CD86: variants seen among roughly 807,000 people sequenced by gnomAD.
CD86 encodes T-lymphocyte activation antigen CD86.
A neutral mutation model predicts 32.1 loss-of-function variants in CD86; 11 were observed. That is an observed-to-expected ratio of 0.34 (90% CI 0.22 to 0.57). CD86 has a LOEUF of 0.57. Ranked by LOEUF, CD86 falls within the 20% of genes least tolerant of loss-of-function variation. CD86 has a pLI of 0.86. For synonymous variants in CD86, 137 were observed against 135.3 expected, an observed-to-expected ratio of 1.01 and a Z score of -0.09; for missense variants, 359 against 398.4, an observed-to-expected ratio of 0.90 and a Z score of 0.84.
At chr3:122,091,791 T>C in intron 2 of CD86, 141 bp downstream of exon 2, 3 of 688,466 alleles carry the variant, frequency 4.4e-6, no homozygotes, top group Non-Finnish European at 7.7e-6. Flanking sequence ...CAAAAAAGAC[T>C]TTCCTGGAGA....
At chr3:122,101,003 C>A (rs2072990880) in intron 2 of CD86, among the ~76,000 whole-genome samples, 1 of 152,108 alleles carries the variant, frequency 6.6e-6, no homozygotes, top group African/African-American at 2.4e-5. Context: ...ATCCCCCATG[C>A]CTGGCTCTGT....
intron 1 of CD86, among the ~76,000 whole-genome samples, chr3:122,084,602 C>G (rs1241264191): frequency 6.6e-6 from 1 of 152,072 alleles, no homozygotes; most frequent in Non-Finnish European, 1.5e-5. Flanking sequence ...AGGTGGAAGG[C>G]TCAGCTGGGA....
chr3:122,058,444 C>A (rs993452165), intron 1 of CD86, among the ~76,000 whole-genome samples: 1 of 152,134 alleles, frequency 6.6e-6, no homozygotes, highest in Admixed American at 6.5e-5. Context: ...GAGCAAAGAG[C>A]TAGTGCAAGA....
intron 2 of CD86, among the ~76,000 whole-genome samples, chr3:122,096,205 A>G (rs1051103161): frequency 1.3e-5 from 2 of 152,162 alleles, no homozygotes; most frequent in African/African-American, 4.8e-5. Context: ...AGCTGGCACT[A>G]TAAGTACATG....
intron 2 of CD86, among the ~76,000 whole-genome samples, chr3:122,093,462 C>T (rs1576775229): frequency 6.6e-6 from 1 of 152,300 alleles, no homozygotes; most frequent in East Asian, 1.9e-4. Context: ...AACTAGATAG[C>T]ATAGCCTGCT....
intron 2 of CD86, among the ~76,000 whole-genome samples, chr3:122,101,931 G>A (rs778869390): frequency 1.3e-5 from 2 of 152,000 alleles, no homozygotes; most frequent in Non-Finnish European, 2.9e-5. Context: ...TCCTCTACAG[G>A]TGGTGCATTT....
intron 1 of CD86, among the ~76,000 whole-genome samples, chr3:122,067,233 C>G (rs2072427542): frequency 6.6e-6 from 1 of 152,166 alleles, no homozygotes. Context: ...TGAACACTAA[C>G]TCATGAGGAG....
intron 5 of CD86, among the ~76,000 whole-genome samples, chr3:122,113,449 G>C (rs367762603): frequency 6.6e-6 from 1 of 152,136 alleles, no homozygotes; most frequent in Non-Finnish European, 1.5e-5. Context: ...CATAGTGTTT[G>C]TACTAGTTTA....
chr3:122,105,493 A>T (rs2073076751), intron 3 of CD86, among the ~76,000 whole-genome samples: 1 of 152,188 alleles, frequency 6.6e-6, no homozygotes. Context: ...AAGGCACATG[A>T]CACAGGTCTA....
At chr3:122,079,227 C>A (rs79509937) in intron 1 of CD86, among the ~76,000 whole-genome samples, 1 of 152,160 alleles carries the variant, frequency 6.6e-6, no homozygotes, top group Non-Finnish European at 1.5e-5. Context: ...CAAGCCTTTG[C>A]ATTTGATATT....
chr3:122,095,406 C>G (rs915758445), intron 2 of CD86, among the ~76,000 whole-genome samples: 2 of 152,124 alleles, frequency 1.3e-5, no homozygotes, highest in Admixed American at 6.5e-5. Context: ...GTCTCGAACT[C>G]CTGACCTCAG....
At chr3:122,109,538 T>C in intron 5 of CD86, 130 bp downstream of exon 5, 1 of 1,066,514 alleles carries the variant, frequency 9.4e-7, no homozygotes, top group Admixed American at 2.1e-5. Flanking sequence ...GAAAAAAGGT[T>C]TTCCCTTGGA....
intron 4 of CD86, among the ~76,000 whole-genome samples, chr3:122,106,932 T>G (rs563850777): frequency 2.6e-4 from 39 of 151,950 alleles, no homozygotes; most frequent in Middle Eastern, 3.4e-3. Context: ...TTTGGGACAT[T>G]ATTGGTCACA....
chr3:122,113,142 G>T (rs1214634721), intron 5 of CD86, among the ~76,000 whole-genome samples: 1 of 152,164 alleles, frequency 6.6e-6, no homozygotes, highest in Admixed American at 6.5e-5. Context: ...TTAGAATAAT[G>T]GTCTCTGGTT....
At chr3:122,118,454 A>G (rs2073290931) in intron 6 of CD86, among the ~76,000 whole-genome samples, 1 of 152,208 alleles carries the variant, frequency 6.6e-6, no homozygotes, top group African/African-American at 2.4e-5. Context: ...TAAATGAAGA[A>G]GTGGGGAATG....
chr3:122,101,374 G>A (rs767199056), intron 2 of CD86, among the ~76,000 whole-genome samples: 6 of 151,678 alleles, frequency 4.0e-5, no homozygotes, highest in Admixed American at 1.3e-4. Context: ...GGGAGCACTC[G>A]ATGAGTGGAA....
At chr3:122,061,154 G>T (rs557219566) in intron 1 of CD86, among the ~76,000 whole-genome samples, 1 of 152,080 alleles carries the variant, frequency 6.6e-6, no homozygotes, top group Admixed American at 6.6e-5. Context: ...GTCAATACAC[G>T]CCAGAAAATG....
At chr3:122,079,714 G>A (rs1211488428) in intron 1 of CD86, among the ~76,000 whole-genome samples, 10 of 152,134 alleles carry the variant, frequency 6.6e-5, no homozygotes, top group Admixed American at 6.6e-4. Context: ...CTCGGGCTGA[G>A]GTTTGGGAAA....
intron 1 of CD86, among the ~76,000 whole-genome samples, chr3:122,071,129 T>G (rs2072483290): frequency 6.6e-6 from 1 of 152,220 alleles, no homozygotes; most frequent in South Asian, 2.1e-4. Flanking sequence ...TCATTATTAT[T>G]ATTATTTAAA....
Sources: gnomAD v4.1 joint callset for allele counts (sites outside exome capture counted in the v4.1 genomes callset) on GRCh38, gnomAD v4.1.1 for gene constraint, MANE v1.5 for transcripts, NCBI Gene and HGNC (gene_info 2026-07-23, HGNC 2026-07-21) for gene names.